The following CCDC192 variants were observed in gnomAD, a reference collection of about 807,000 sequenced individuals.
CCDC192 encodes the protein coiled-coil domain containing 192.
intron 3 of CCDC192, among the ~76,000 whole-genome samples, chr5:127,761,803 A>G (rs1051150779): frequency 6.6e-6 from 1 of 152,188 alleles, no homozygotes; most frequent in African/African-American, 2.4e-5. Context: ...GACTAGAAAC[A>G]AACAACGCCC....
chr5:127,729,148 C>T lies in CCDC192; in HGVS notation c.114+21388C>T, dbSNP rs559653389. Among the ~76,000 whole-genome samples the T allele has an allele frequency of 2.0e-5, 3 of 152,226 alleles. No homozygotes were observed. The South Asian group carries it at 6.2e-4, about 32-fold the overall frequency. ...TCTCAAACTCCTGACCTCAGATGAT[C>T]AGCCCACCTCAGCCTCCCAAAGTGC... is the stretch of plus-strand genomic sequence containing the variant. On this transcript the variant is annotated intron_variant, in intron 2 of 6. Transcript: ENST00000514853.
At chr5:127,868,202 C>T (rs1282242066) in intron 5 of CCDC192, among the ~76,000 whole-genome samples, 3 of 151,988 alleles carry the variant, frequency 2.0e-5, no homozygotes, top group Non-Finnish European at 4.4e-5. Context: ...TGGAACCTTA[C>T]ACTTAAAAAA....
intron 2 of CCDC192, among the ~76,000 whole-genome samples, chr5:127,709,163 GGGA>G (rs1751152511): frequency 1.5e-5 from 2 of 132,134 alleles, no homozygotes; most frequent in Non-Finnish European, 3.2e-5. Context: ...GAGAGAGAGG[GGGA>G]GAGGGGGAGA....
intron 6 of CCDC192, among the ~76,000 whole-genome samples, chr5:127,927,737 G>A (rs539841965): frequency 6.6e-6 from 1 of 152,234 alleles, no homozygotes; most frequent in South Asian, 2.1e-4. Flanking sequence ...GAAACCCTCA[G>A]TTGCCCTTAG....
rs572703818 is a variant in CCDC192, at chr5:127,704,270, C to T, written c.62+763C>T. ...ATGGAGTGATCTTGGCTCACTGCAACTTCTGCCTCCCGGGTTCAAGTGATT... is the reference window on the plus strand; with the variant it reads ...ATGGAGTGATCTTGGCTCACTGCAATTTCTGCCTCCCGGGTTCAAGTGATT... On this transcript the variant is annotated intron_variant, in intron 1 of 6. Transcript: ENST00000514853. 8.5e-5 allele frequency among the ~76,000 whole-genome samples: 8 copies of T among 93,682 alleles called. No individual in the cohort carries two copies. The South Asian group carries it at 2.2e-3, about 26-fold the overall frequency. 61.5% of individuals were successfully genotyped at this position (93,682 alleles called of 152,430 possible).
intron 2 of CCDC192, among the ~76,000 whole-genome samples, chr5:127,728,115 AT>A (rs1752437835): frequency 6.6e-6 from 1 of 152,232 alleles, no homozygotes; most frequent in Non-Finnish European, 1.5e-5. Flanking sequence ...GTTGGAAAAC[AT>A]TCTTCAAGAT....
intron 1 of CCDC192, among the ~76,000 whole-genome samples, chr5:127,704,650 C>T (rs1750856839): frequency 6.6e-6 from 1 of 151,980 alleles, no homozygotes; most frequent in South Asian, 2.1e-4. Context: ...TTCCATAAGC[C>T]TCAAAAATTA....
intron 2 of CCDC192, among the ~76,000 whole-genome samples, chr5:127,724,677 C>T (rs915094133): frequency 2.0e-5 from 3 of 151,956 alleles, no homozygotes; most frequent in Admixed American, 1.3e-4. Context: ...GGGGAAACCC[C>T]GTCTCTGCTG....
chr5:127,811,359 G>C (rs568641507), intron 5 of CCDC192, among the ~76,000 whole-genome samples: 1 of 152,260 alleles, frequency 6.6e-6, no homozygotes, highest in Non-Finnish European at 1.5e-5. Flanking sequence ...CCTTGCATAG[G>C]AGTTGGGGGT....
chr5:127,741,174 C>T (rs1471866403), intron 2 of CCDC192, among the ~76,000 whole-genome samples: 1 of 152,126 alleles, frequency 6.6e-6, no homozygotes, highest in Non-Finnish European at 1.5e-5. Flanking sequence ...AATCCTTCAG[C>T]CTCAGCTTCC....
intron 5 of CCDC192, among the ~76,000 whole-genome samples, chr5:127,817,913 C>A (rs1281973621): frequency 6.6e-6 from 1 of 152,132 alleles, no homozygotes; most frequent in African/African-American, 2.4e-5. Flanking sequence ...GCATCTAGTC[C>A]TTACATGTGT....
chr5:127,843,029 G>GTTTTTTTTTTTTTTTTTTTTTTTTTTT (rs11428874), intron 5 of CCDC192, among the ~76,000 whole-genome samples: 2 of 91,766 alleles, frequency 2.2e-5, no homozygotes, highest in African/African-American at 4.2e-5. Context: ...TTTTAGTCAA[G>GTTTTTTTTTTTTTTTTTTTTTTTTTTT]TTTTTTTTTT....
intron 2 of CCDC192, among the ~76,000 whole-genome samples, chr5:127,753,521 C>A (rs537888468): frequency 6.6e-6 from 1 of 152,126 alleles, no homozygotes; most frequent in Non-Finnish European, 1.5e-5. Context: ...CATGGGGAAT[C>A]CACGTCTCTA....
intron 5 of CCDC192, among the ~76,000 whole-genome samples, chr5:127,874,558 G>A (rs1445643828): frequency 6.6e-6 from 1 of 152,168 alleles, no homozygotes; most frequent in Non-Finnish European, 1.5e-5. Context: ...TACTGCCTGA[G>A]TATAGTGCCT....
intron 5 of CCDC192, among the ~76,000 whole-genome samples, chr5:127,852,311 TGA>T (rs1277761791): frequency 6.6e-6 from 1 of 152,250 alleles, no homozygotes; most frequent in African/African-American, 2.4e-5. Flanking sequence ...AGCATATGTT[TGA>T]TTATTACCTT....
At chr5:127,746,257 T>C (rs1030549806) in intron 2 of CCDC192, among the ~76,000 whole-genome samples, 3 of 152,244 alleles carry the variant, frequency 2.0e-5, no homozygotes, top group Non-Finnish European at 2.9e-5. Flanking sequence ...TGAAAAGTCC[T>C]ATGTTATTTA....
chr5:127,780,446 A>G (rs917454594), intron 3 of CCDC192, among the ~76,000 whole-genome samples: 2 of 152,220 alleles, frequency 1.3e-5, no homozygotes, highest in East Asian at 3.8e-4. Context: ...CCAGCAGTGT[A>G]GAAGTGTTCC....
upstream of CCDC192, among the ~76,000 whole-genome samples, chr5:127,702,654 A>G (rs187049438): frequency 8.4e-4 from 128 of 152,308 alleles, no homozygotes; most frequent in Non-Finnish European, 1.5e-3. Context: ...CCGTGTGACT[A>G]GATTGGGTGA....
chr5:127,843,489 G>A (rs1750390569), intron 5 of CCDC192, among the ~76,000 whole-genome samples: 1 of 150,572 alleles, frequency 6.6e-6, no homozygotes, highest in African/African-American at 2.5e-5. Flanking sequence ...CCAGGCTGGA[G>A]TGCAGTGGTG....
Sources: gnomAD v4.1 joint callset for allele counts (sites outside exome capture counted in the v4.1 genomes callset) on GRCh38, gnomAD v4.1.1 for gene constraint, MANE v1.5 for transcripts, NCBI Gene and HGNC (gene_info 2026-07-23, HGNC 2026-07-21) for gene names.